PCNA: variants seen among roughly 807,000 people sequenced by gnomAD.
PCNA encodes DNA sliding clamp PCNA.
PCNA carries 4 observed loss-of-function variants against 27.8 expected under a neutral mutation model. That is an observed-to-expected ratio of 0.14 (90% CI 0.07 to 0.33). The LOEUF is 0.33. PCNA is among the 10% of genes least tolerant of loss of function. The pLI is 1.00. For synonymous variants in PCNA, 121 were observed against 119.4 expected, an observed-to-expected ratio of 1.01 and a Z score of -0.09; for missense variants, 165 against 327.4, an observed-to-expected ratio of 0.50 and a Z score of 3.83.
rs117100401 is a variant in PCNA at position 5,115,825 on chromosome 20, T to C, written c.583-253A>G. Among the ~76,000 whole-genome samples the C allele has an allele frequency of 6.6e-5, 10 of 152,242 alleles. No individual in the cohort carries two copies. The East Asian group carries it at 1.9e-3, about 29-fold the overall frequency. On this transcript the variant is annotated intron_variant, in intron 4 of 5. Transcript: ENST00000379143. ...GGAAGTTTTTCTAATAAGCAGCCAA[T>C]AAGTGAATAAAACGTATTAATTTCA...
At chr20:5,124,749 A>G (rs1228810528), upstream of PCNA, among the ~76,000 whole-genome samples, 2 of 152,192 alleles carry the variant, frequency 1.3e-5, no homozygotes, top group Non-Finnish European at 1.5e-5. Flanking sequence ...TGTTCGTCAC[A>G]CAGTACTGAC....
Position 5,119,823 on chromosome 20 carries a change from C to G in PCNA, c.-25G>C. On this transcript the variant is annotated 5_prime_UTR_variant, in exon 1 of 6. Transcript: ENST00000379143. ...TGGTGGCGGAGTGGCAACAACGCCGCTACAGGCAGGCGGGAAGGAGGAAAG... is the reference window on the plus strand; with the variant it reads ...TGGTGGCGGAGTGGCAACAACGCCGGTACAGGCAGGCGGGAAGGAGGAAAG... The G allele has an allele frequency of 6.5e-7, 1 of 1,532,030 alleles. No individual in the cohort carries two copies. Among genetic ancestry groups the G allele is most frequent in the Non-Finnish European group, 8.9e-7 (1 of 1,129,938 alleles). The allele number at this position is 1,532,030 out of a possible 1,614,324, so 94.9% of individuals were successfully genotyped here.
At chr20:5,118,941 G>T in intron 1 of PCNA, 75 bp from the exon 2 acceptor site, 2 of 952,484 alleles carry the variant, frequency 2.1e-6, no homozygotes, top group Non-Finnish European at 3.3e-6. Context: ...CGGTTAGAAG[G>T]GGTTACCACT....
chr20:5,123,215 C>A (rs564336030), upstream of PCNA, among the ~76,000 whole-genome samples: 2 of 152,226 alleles, frequency 1.3e-5, no homozygotes, highest in South Asian at 4.2e-4. Context: ...TGAGCTCTTG[C>A]AGGACTTTGT....
At chr20:5,118,724 T>G (rs750213468) in intron 2 of PCNA, 45 bp downstream of exon 2, 1 of 1,608,658 alleles carries the variant, frequency 6.2e-7, no homozygotes, top group Non-Finnish European at 8.5e-7. Flanking sequence ...ACACAGAGTT[T>G]TGATTTTCTG....
upstream of PCNA, among the ~76,000 whole-genome samples, chr20:5,121,014 G>A (rs1357035372): frequency 6.6e-6 from 1 of 151,950 alleles, no homozygotes; most frequent in Non-Finnish European, 1.5e-5. Flanking sequence ...GTAGAGACGG[G>A]GTTTCACCAT....
intron 1 of PCNA, among the ~76,000 whole-genome samples, chr20:5,126,203 AAAACAAACAAAC>A (rs35360937): frequency 6.6e-6 from 1 of 151,878 alleles, no homozygotes; most frequent in East Asian, 1.9e-4. Context: ...ACTCCGTCAC[AAAACAAACAAAC>A]AAACGAACAA....
intron 3 of PCNA, among the ~76,000 whole-genome samples, chr20:5,118,149 A>G (rs1045802606): frequency 1.3e-5 from 2 of 152,282 alleles, no homozygotes; most frequent in Non-Finnish European, 2.9e-5. Context: ...GACAACTGGC[A>G]GTAAACAATA....
rs566418027 is a variant in PCNA at position 5,119,841 on chromosome 20, G to A, written c.-43C>T. 12 of 1,482,194 alleles carry A rather than the reference G, an allele frequency of 8.1e-6. No homozygotes were observed. The highest frequency in any genetic ancestry group is 2.8e-5 in the African/African-American group (2 of 71,872). 91.8% of individuals were successfully genotyped at this position (1,482,194 alleles called of 1,614,324 possible). On this transcript the variant is annotated 5_prime_UTR_variant, in exon 1 of 6. Coordinates refer to ENST00000379143, the MANE Select transcript of PCNA (RefSeq NM_182649.2). Reference sequence around the variant, plus strand: ...AACGCCGCTACAGGCAGGCGGGAAGGAGGAAAGTCTAGCTGGTTTCGGCTT... The same window carrying A: ...AACGCCGCTACAGGCAGGCGGGAAGAAGGAAAGTCTAGCTGGTTTCGGCTT...
chr20:5,125,666 C>T (rs1039715990), intron 1 of PCNA, among the ~76,000 whole-genome samples: 5 of 152,138 alleles, frequency 3.3e-5, no homozygotes, highest in Admixed American at 2.6e-4. Context: ...ACACCAAAGG[C>T]AATGCTGGAG....
rs773274231 is a variant in PCNA, at chr20:5,119,613, G to A, written c.186C>T (p.Cys62=). Residue 62 remains cysteine (C), a synonymous_variant, in exon 1 of 6, where the codon TGC becomes TGT. Coordinates refer to ENST00000379143, the MANE Select transcript of PCNA (RefSeq NM_182649.2). ...LRSEGFDTYR[C]DRNLAMGVNL... Reference sequence around the variant, plus strand: ...TCACGCCCATGGCCAGGTTGCGGTCGCAGCGGTAGGTGTCGAAGCCCTCAG... The same window carrying A: ...TCACGCCCATGGCCAGGTTGCGGTCACAGCGGTAGGTGTCGAAGCCCTCAG... 3 of 1,613,554 alleles carry A rather than the reference G, an allele frequency of 1.9e-6. No individual in the cohort carries two copies. The highest frequency in any genetic ancestry group is 2.2e-5 in the South Asian group (2 of 90,994).
At chr20:5,117,863 G>GCCT (rs1208829499) in intron 3 of PCNA, among the ~76,000 whole-genome samples, 199 bp from the exon 4 acceptor site, 1 of 152,194 alleles carries the variant, frequency 6.6e-6, no homozygotes, top group Non-Finnish European at 1.5e-5. Flanking sequence ...GGGAACAAGA[G>GCCT]CCTCCTCCTC....
chr20:5,117,437 A>T (rs1321414624), intron 4 of PCNA, 33 bp downstream of exon 4: 2 of 1,468,730 alleles, frequency 1.4e-6, no homozygotes, highest in African/African-American at 2.8e-5. Flanking sequence ...AATTCTCTTC[A>T]AACTATTTTC....
chr20:5,117,650 G>A lies in PCNA; in HGVS notation c.402C>T (p.Ser134=). The A allele has an allele frequency of 2.5e-6, 4 of 1,605,486 alleles. No homozygotes were observed. The South Asian group carries it at 4.5e-5, about 18-fold the overall frequency. Residue 134 remains serine (S), a synonymous_variant, in exon 4 of 6, where the codon AGC becomes AGT. Transcript: ENST00000379143. ...EQLGIPEQEY[S]CVVKMPSGEF... ...CACCAGAAGGCATCTTTACTACACA[G>A]CTGTACTCCTGTTCCTATTAAGAAC...
rs2122893293 is a variant in PCNA, at chr20:5,115,340, A to G, written c.729T>C (p.Asp243=). Residue 243 remains aspartate, a synonymous_variant, in exon 6 of 6, where the codon GAT becomes GAC. Coordinates refer to ENST00000379143, the MANE Select transcript of PCNA (RefSeq NM_182649.2). ...VPLVVEYKIA[D]MGHLKYYLAP... ...CCAAGTAGTATTTTAAGTGTCCCAT[A>G]TCCGCAATTTTATACTCTACAACTG... is the stretch of plus-strand genomic sequence containing the variant. The G allele has an allele frequency of 6.2e-7, 1 of 1,614,006 alleles. No homozygotes were observed.
chr20:5,116,361 G>A (rs1054679187), intron 4 of PCNA, among the ~76,000 whole-genome samples: 7 of 152,158 alleles, frequency 4.6e-5, no homozygotes, highest in African/African-American at 1.7e-4. Context: ...AGAAAAAAAC[G>A]AGGTTGGCAG....
intron 3 of PCNA, 80 bp from the exon 4 acceptor site, chr20:5,117,744 A>C: frequency 1.3e-6 from 1 of 758,036 alleles, no homozygotes; most frequent in Non-Finnish European, 2.2e-6. Flanking sequence ...AAAAGGCAAC[A>C]CCTAAACAAC....
upstream of PCNA, among the ~76,000 whole-genome samples, chr20:5,121,780 T>C (rs1477439391): frequency 6.6e-6 from 1 of 151,466 alleles, no homozygotes; most frequent in South Asian, 2.1e-4. Flanking sequence ...GGTGCACCAC[T>C]GTACCTGGCT....
At chr20:5,118,514 GAGCCA>G in intron 3 of PCNA, 91 bp downstream of exon 3, 2 of 906,432 alleles carry the variant, frequency 2.2e-6, no homozygotes, top group Non-Finnish European at 3.5e-6. Context: ...CTGGGCAACA[GAGCCA>G]AGACCCTGTC....
Sources: gnomAD v4.1 joint callset for allele counts (sites outside exome capture counted in the v4.1 genomes callset) on GRCh38, gnomAD v4.1.1 for gene constraint, MANE v1.5 for transcripts, NCBI Gene and HGNC (gene_info 2026-07-23, HGNC 2026-07-21) for gene names.